KCTD1: variants seen among roughly 807,000 people sequenced by gnomAD.
The protein encoded by KCTD1 is potassium channel tetramerization domain containing 1.
In KCTD1, 24 loss-of-function variants were observed where a neutral mutation model predicts 66.0. That is an observed-to-expected ratio of 0.36 (90% CI 0.26 to 0.51). The LOEUF (loss-of-function observed/expected upper bound fraction) is 0.51. KCTD1 is among the 20% of genes least tolerant of loss of function. The pLI is 0.95. For missense variants in KCTD1, 943 were observed against 1,205.2 expected (o/e 0.78, Z 3.22); for synonymous variants, 511 against 517.2 (o/e 0.99, Z 0.16).
chr18:26,549,387 A>C, upstream of KCTD1: 1 of 985,468 alleles, frequency 1.0e-6, no homozygotes, highest in Non-Finnish European at 1.2e-6. Context: ...CTGTCATTAA[A>C]GACCTGGGGC....
At position 26,454,997 on chromosome 18, in the gene KCTD1, G is replaced by GTAT. The variant is rs1334118049; in HGVS notation, c.*743_*745dup. The GTAT allele has an allele frequency of 6.6e-6, 1 of 152,622 alleles. No individual in the cohort carries two copies. Among genetic ancestry groups the GTAT allele is most frequent in the Non-Finnish European group, 1.5e-5 (1 of 68,038 alleles). 9.5% of individuals were successfully genotyped at this position (152,622 alleles called of 1,614,324 possible). ...CCTTATTTTTTAAACAGAGTTTATT[G>GTAT]TATTTAATACATTATAAAATTTGAA... On this transcript the variant is annotated 3_prime_UTR_variant, in exon 5 of 5. Coordinates refer to ENST00000580059, the MANE Select transcript of KCTD1 (RefSeq NM_001142730.3).
At position 26,547,675 on chromosome 18, in the gene KCTD1, C is replaced by T; in HGVS notation, c.862G>A (p.Asp288Asn). 6 of 1,551,390 alleles carry T rather than the reference C, an allele frequency of 3.9e-6. No homozygotes were observed. The highest frequency in any genetic ancestry group is 2.4e-5 in the East Asian group (1 of 40,910). Residue 288 changes from aspartate (D) to asparagine (N), a missense_variant, in exon 1 of 5, where the codon GAC (aspartate) becomes AAC (asparagine). Physicochemically the swap from Asp to Asn is conservative, Grantham distance 23. This residue lies in a region of KCTD1 where 61 missense variants were observed against 109.6 expected (regional missense o/e 0.56). Transcript: ENST00000580059. ...VVQKQAITRA[D>N]LRKLYTSSVF... ...CTGGAGGTGTACAGCTTGCGCAGGT[C>T]GGCGCGCGTGATGGCTTGCTTCTGC...
chr18:26,655,648 T>C (rs1419454201), intron 1 of KCTD1: 2 of 152,218 alleles, frequency 1.3e-5, no homozygotes, highest in East Asian at 1.9e-4. Flanking sequence ...ACGGCCCCAT[T>C]TGCGACTTTG....
chr18:26,543,662 C>G (rs1985078952), intron 1 of KCTD1: 1 of 152,256 alleles, frequency 6.6e-6, no homozygotes, highest in Non-Finnish European at 1.5e-5. Flanking sequence ...AAAACACAAA[C>G]AGGGGATGTG....
chr18:26,547,930 C>A lies in KCTD1; in HGVS notation c.607G>T (p.Ala203Ser). Residue 203 changes from alanine to serine, a missense_variant, in exon 1 of 5, where the codon GCG becomes TCG. Coordinates refer to ENST00000580059, the MANE Select transcript of KCTD1 (RefSeq NM_001142730.3). ...SPDFETMDKG[A>S]LCRVLRSFYA... ...AAGGAGCGCAGCACGCGGCACAGCG[C>A]CCCCTTGTCCATGGTCTCGAAGTCC... The A allele has an allele frequency of 6.5e-7, 1 of 1,543,616 alleles. No homozygotes were observed. Among genetic ancestry groups the A allele is most frequent in the East Asian group, 2.4e-5 (1 of 40,898 alleles).
chr18:26,628,060 AG>A (rs987769187), intron 1 of KCTD1, among the ~76,000 whole-genome samples: 1 of 152,210 alleles, frequency 6.6e-6, no homozygotes, highest in African/African-American at 2.4e-5. Context: ...CCTGGGCTAG[AG>A]GCCCTCCTTT....
At chr18:26,597,541 C>T (rs1348648650) in intron 1 of KCTD1, among the ~76,000 whole-genome samples, 1 of 151,734 alleles carries the variant, frequency 6.6e-6, no homozygotes, top group Non-Finnish European at 1.5e-5. Context: ...TTTTTGTAAA[C>T]AAAAGGTGTT....
chr18:26,479,142 G>A (rs949098864), intron 2 of KCTD1, among the ~76,000 whole-genome samples: 5 of 152,266 alleles, frequency 3.3e-5, no homozygotes, highest in Admixed American at 3.3e-4. Flanking sequence ...AAGAGCAAGA[G>A]GGAGATCTGA....
chr18:26,645,971 G>T (rs1445451167), intron 1 of KCTD1, among the ~76,000 whole-genome samples: 1 of 152,184 alleles, frequency 6.6e-6, no homozygotes, highest in African/African-American at 2.4e-5. Flanking sequence ...TGGGAAGGCT[G>T]ATTCATATTC....
chr18:26,617,874 AGGG>A (rs1290876526), intron 1 of KCTD1, among the ~76,000 whole-genome samples: 345 of 57,108 alleles, frequency 6.0e-3, no homozygotes, highest in African/African-American at 0.023. Context: ...GGAGGGAGGG[AGGG>A]AGGGAAGGAG....
intron 1 of KCTD1, among the ~76,000 whole-genome samples, chr18:26,554,668 A>T (rs1985663912): frequency 6.6e-6 from 1 of 152,234 alleles, no homozygotes; most frequent in South Asian, 2.1e-4. Flanking sequence ...AACTTAATGC[A>T]GTAATTGACA....
chr18:26,508,832 T>C (rs973131348), intron 1 of KCTD1, among the ~76,000 whole-genome samples: 2 of 152,182 alleles, frequency 1.3e-5, no homozygotes, highest in Admixed American at 1.3e-4. Flanking sequence ...CAAAGTGTCT[T>C]AGGCAAGGAT....
At chr18:26,585,229 G>A (rs879374456) in intron 1 of KCTD1, among the ~76,000 whole-genome samples, 2 of 152,082 alleles carry the variant, frequency 1.3e-5, no homozygotes, top group African/African-American at 2.4e-5. Context: ...TTTGGCCACC[G>A]GCATACTTTT....
intron 1 of KCTD1, among the ~76,000 whole-genome samples, chr18:26,607,715 C>T (rs531335436): frequency 1.2e-4 from 18 of 152,224 alleles, no homozygotes; most frequent in African/African-American, 4.1e-4. Flanking sequence ...TTGGTAATTT[C>T]CCGTATTGAA....
chr18:26,479,975 AAC>A (rs201245970), intron 2 of KCTD1, among the ~76,000 whole-genome samples: 2,545 of 152,090 alleles, frequency 0.017, 37 homozygotes, highest in Middle Eastern at 0.068. Flanking sequence ...AACCTTGGAG[AAC>A]ATTCCTGTTT....
intron 1 of KCTD1, among the ~76,000 whole-genome samples, chr18:26,586,858 A>G (rs909982067): frequency 2.6e-5 from 4 of 152,208 alleles, no homozygotes; most frequent in Admixed American, 2.0e-4. Context: ...TGTAGAAGAA[A>G]AGTTTGAAGC....
chr18:26,541,379 A>G lies in KCTD1; in HGVS notation c.1809+5349T>C, dbSNP rs561972290. ...ATTAAAAACTCCAAAGAAAACGCAG[A>G]CACTTTTCACTTACGATACTGTAAG... On this transcript the variant is annotated intron_variant, in intron 1 of 4. Coordinates refer to ENST00000580059, the MANE Select transcript of KCTD1 (RefSeq NM_001142730.3). Among the ~76,000 whole-genome samples the G allele has an allele frequency of 2.0e-5, 3 of 152,318 alleles. No individual in the cohort carries two copies. The East Asian group carries it at 5.8e-4, about 29-fold the overall frequency.
intron 1 of KCTD1, among the ~76,000 whole-genome samples, chr18:26,608,059 C>T (rs950929505): frequency 6.6e-6 from 1 of 152,220 alleles, no homozygotes; most frequent in Non-Finnish European, 1.5e-5. Flanking sequence ...GTGTGAGCCA[C>T]TGCACCTGGT....
intron 1 of KCTD1, among the ~76,000 whole-genome samples, chr18:26,527,531 G>A: frequency 6.7e-6 from 1 of 149,864 alleles, no homozygotes; most frequent in Non-Finnish European, 1.5e-5. Flanking sequence ...GTGGAACATA[G>A]AGGACTTTTA....
Sources: gnomAD v4.1 joint callset for allele counts (sites outside exome capture counted in the v4.1 genomes callset) on GRCh38, gnomAD v4.1.1 for gene constraint, gnomAD v4.1.1 regional missense constraint, MANE v1.5 for transcripts, NCBI Gene and HGNC (gene_info 2026-07-23, HGNC 2026-07-21) for gene names.